The following LRRC4C variants were observed in gnomAD, a reference collection of about 807,000 sequenced individuals.
The protein encoded by LRRC4C is leucine-rich repeat-containing protein 4C.
Under a neutral mutation model 33.6 loss-of-function variants are expected in LRRC4C, and 5 were observed. That is an observed-to-expected ratio of 0.15 (90% CI 0.08 to 0.31). The LOEUF (loss-of-function observed/expected upper bound fraction) is 0.31, where lower values mean the gene tolerates loss of function less well. Ranked by LOEUF, LRRC4C falls within the 10% of genes least tolerant of loss-of-function variation. LRRC4C has a pLI of 1.00. For missense variants in LRRC4C, 560 were observed against 796.7 expected, an observed-to-expected ratio of 0.70 and a Z score of 3.58; for synonymous variants, 329 against 302.0, an observed-to-expected ratio of 1.09 and a Z score of -0.93.
At chr11:40,274,778 TAGAGTGCTACAACC>T (rs1299541338) in intron 4 of LRRC4C, among the ~76,000 whole-genome samples, 1 of 152,108 alleles carries the variant, frequency 6.6e-6, no homozygotes, top group Non-Finnish European at 1.5e-5. Flanking sequence ...GTAACTTACA[TAGAGTGCTACAACC>T]AGAGCACACA....
Position 41,385,939 on chromosome 11 carries a change from C to T in LRRC4C, c.-496+73492G>A, listed in dbSNP as rs957704303. ...TTTTTATTTATGAAATCCAGCTTAC[C>T]TAATTGAAAACTGTGTGTTTGAACA... On this transcript the variant is annotated intron_variant, in intron 1 of 6. Coordinates refer to ENST00000528697, the MANE Select transcript of LRRC4C (RefSeq NM_001258419.2). Among the ~76,000 whole-genome samples, 3 of 151,516 alleles carry T rather than the reference C, an allele frequency of 2.0e-5. No individual in the cohort carries two copies. In the East Asian group the frequency reaches 5.8e-4, roughly 30 times the overall value.
chr11:40,925,504 C>T (rs906267748), intron 2 of LRRC4C, among the ~76,000 whole-genome samples: 2 of 152,136 alleles, frequency 1.3e-5, no homozygotes, highest in Non-Finnish European at 2.9e-5. Flanking sequence ...GCAACTGTCA[C>T]GCAGCACATA....
intron 1 of LRRC4C, among the ~76,000 whole-genome samples, chr11:41,304,008 C>A (rs1591208037): frequency 1.3e-5 from 1 of 76,558 alleles, no homozygotes; most frequent in African/African-American, 3.5e-5. Context: ...GGGGGGTCAG[C>A]CCCCCGCCCG....
chr11:40,623,945 A>G (rs1007845764), intron 3 of LRRC4C, among the ~76,000 whole-genome samples: 1 of 152,174 alleles, frequency 6.6e-6, no homozygotes, highest in Non-Finnish European at 1.5e-5. Flanking sequence ...ATTTCATGAA[A>G]TAAAAAATTC....
chr11:40,158,381 C>A (rs746881334), intron 5 of LRRC4C, among the ~76,000 whole-genome samples: 13 of 151,896 alleles, frequency 8.6e-5, no homozygotes, highest in Non-Finnish European at 1.6e-4. Flanking sequence ...CTCATGTAAC[C>A]AAATACAACC....
At chr11:40,527,620 C>T (rs1956105732) in intron 3 of LRRC4C, among the ~76,000 whole-genome samples, 1 of 152,044 alleles carries the variant, frequency 6.6e-6, no homozygotes, top group African/African-American at 2.4e-5. Flanking sequence ...AATCCTGAGT[C>T]CCAAGTTTCC....
intron 5 of LRRC4C, among the ~76,000 whole-genome samples, chr11:40,162,567 A>G (rs1253794719): frequency 6.6e-6 from 1 of 151,760 alleles, no homozygotes; most frequent in Non-Finnish European, 1.5e-5. Context: ...AGTACTCTCC[A>G]CCTCCCCGTT....
chr11:40,478,000 A>C (rs1953332663), intron 3 of LRRC4C, among the ~76,000 whole-genome samples: 1 of 152,266 alleles, frequency 6.6e-6, no homozygotes. Context: ...TCCCTGCACA[A>C]GCTCTGTTTC....
intron 1 of LRRC4C, among the ~76,000 whole-genome samples, chr11:40,990,554 G>C (rs1476895365): frequency 6.6e-6 from 1 of 151,650 alleles, no homozygotes; most frequent in Non-Finnish European, 1.5e-5. Context: ...GGAACACTAG[G>C]GTTCCCCTAG....
chr11:40,897,588 A>C (rs1295731856), intron 2 of LRRC4C, among the ~76,000 whole-genome samples: 1 of 152,236 alleles, frequency 6.6e-6, no homozygotes, highest in African/African-American at 2.4e-5. Flanking sequence ...CCTTCTATAA[A>C]GAATGACTTT....
At chr11:40,551,350 A>AT (rs34458657) in intron 3 of LRRC4C, among the ~76,000 whole-genome samples, 52,674 of 151,774 alleles carry the variant, frequency 0.35, 10,738 homozygotes, top group East Asian at 0.65. Context: ...ATTTCAAGGA[A>AT]TTTTTCCTGT....
chr11:40,341,408 G>A (rs111678904), intron 3 of LRRC4C, among the ~76,000 whole-genome samples: 3 of 152,220 alleles, frequency 2.0e-5, no homozygotes, highest in African/African-American at 7.2e-5. Context: ...CTTTATAGCA[G>A]CATGATTTAT....
At chr11:40,272,716 A>G (rs1942800921) in intron 4 of LRRC4C, among the ~76,000 whole-genome samples, 1 of 152,184 alleles carries the variant, frequency 6.6e-6, no homozygotes, top group South Asian at 2.1e-4. Flanking sequence ...TCAATGAAAC[A>G]TCTTCTTTTG....
intron 1 of LRRC4C, among the ~76,000 whole-genome samples, chr11:41,405,077 TA>T (rs1284365649): frequency 7.2e-5 from 11 of 152,080 alleles, no homozygotes; most frequent in Non-Finnish European, 1.5e-4. Context: ...TGTTGATAAA[TA>T]AATGAAAAAA....
intron 3 of LRRC4C, among the ~76,000 whole-genome samples, chr11:40,499,577 A>G (rs1954640526): frequency 6.6e-6 from 1 of 151,896 alleles, no homozygotes; most frequent in African/African-American, 2.4e-5. Flanking sequence ...CAAAAGAGCC[A>G]CAAAAAATGT....
At chr11:40,367,007 G>T (rs138404501) in intron 3 of LRRC4C, among the ~76,000 whole-genome samples, 3 of 152,146 alleles carry the variant, frequency 2.0e-5, no homozygotes, top group Non-Finnish European at 4.4e-5. Flanking sequence ...GAGAAATGCA[G>T]CTCCTTTCAG....
chr11:41,248,550 G>A (rs1234552053), intron 1 of LRRC4C, among the ~76,000 whole-genome samples: 2 of 152,078 alleles, frequency 1.3e-5, no homozygotes, highest in African/African-American at 2.4e-5. Context: ...TTCCTTCTCA[G>A]TGGTCTTGGT....
chr11:40,991,749 G>A (rs1853582593), intron 1 of LRRC4C, among the ~76,000 whole-genome samples: 1 of 152,092 alleles, frequency 6.6e-6, no homozygotes, highest in African/African-American at 2.4e-5. Context: ...TTCACGATAG[G>A]GTTTGTGCTC....
intron 1 of LRRC4C, among the ~76,000 whole-genome samples, chr11:41,272,318 C>T (rs957206569): frequency 2.0e-5 from 3 of 152,020 alleles, no homozygotes; most frequent in Non-Finnish European, 2.9e-5. Flanking sequence ...GTTTGCTTTT[C>T]ACTTGGGTAA....
Sources: allele counts gnomAD v4.1 joint callset (sites outside exome capture counted in the v4.1 genomes callset), GRCh38; gene constraint gnomAD v4.1.1; transcripts MANE v1.5; gene names NCBI Gene and HGNC (gene_info 2026-07-23, HGNC 2026-07-21).